Variants in IMMP2L observed in about 807,000 individuals in gnomAD.
IMMP2L encodes the protein inner mitochondrial membrane peptidase subunit 2.
IMMP2L carries 18 observed loss-of-function variants against 19.3 expected under a neutral mutation model. The ratio of observed to expected loss-of-function variants is 0.93; its 90% CI spans 0.64 to 1.38. The LOEUF is 1.38. IMMP2L is among the 40% of genes most tolerant of loss of function. IMMP2L has a pLI of 0.00. For synonymous variants in IMMP2L, 76 were observed against 73.0 expected (o/e 1.04, Z -0.21); for missense variants, 233 against 218.2 (o/e 1.07, Z -0.43).
chr7:111,059,601 G>T (rs1385051856), intron 3 of IMMP2L, among the ~76,000 whole-genome samples: 1 of 152,068 alleles, frequency 6.6e-6, no homozygotes, highest in East Asian at 1.9e-4. Context: ...TAAAATAGTG[G>T]CTAAAACATA....
chr7:110,791,856 C>T (rs1800478457), intron 5 of IMMP2L, among the ~76,000 whole-genome samples: 1 of 151,826 alleles, frequency 6.6e-6, no homozygotes, highest in Non-Finnish European at 1.5e-5. Context: ...TGAAACTCAA[C>T]TATCAGAGAA....
At chr7:110,856,700 T>G (rs1466784422) in intron 5 of IMMP2L, among the ~76,000 whole-genome samples, 2 of 152,100 alleles carry the variant, frequency 1.3e-5, no homozygotes, top group African/African-American at 4.8e-5. Flanking sequence ...AATAGTTATA[T>G]TTAATGAAAA....
At chr7:110,688,029 T>C (rs1331280692) in intron 5 of IMMP2L, among the ~76,000 whole-genome samples, 1 of 151,960 alleles carries the variant, frequency 6.6e-6, no homozygotes, top group African/African-American at 2.4e-5. Context: ...CAAGCCACAC[T>C]GACAGTCCCT....
chr7:110,830,316 C>G (rs1020871224), intron 5 of IMMP2L, among the ~76,000 whole-genome samples: 1 of 151,910 alleles, frequency 6.6e-6, no homozygotes, highest in Non-Finnish European at 1.5e-5. Context: ...TCTAGAAGCT[C>G]AGGTTCTCCA....
At chr7:111,554,380 G>C (rs1425659106) in intron 1 of IMMP2L, among the ~76,000 whole-genome samples, 1 of 151,942 alleles carries the variant, frequency 6.6e-6, no homozygotes, top group African/African-American at 2.4e-5. Context: ...AAGAAGAAAG[G>C]GAAGATGAGA....
intron 3 of IMMP2L, among the ~76,000 whole-genome samples, chr7:111,152,141 TGGA>T (rs1804148192): frequency 6.6e-6 from 1 of 152,166 alleles, no homozygotes; most frequent in African/African-American, 2.4e-5. Context: ...TTATTGAAGC[TGGA>T]AGATGCATAC....
chr7:110,892,649 G>A (rs1378552608), intron 4 of IMMP2L, among the ~76,000 whole-genome samples: 1 of 152,092 alleles, frequency 6.6e-6, no homozygotes, highest in Non-Finnish European at 1.5e-5. Flanking sequence ...TAATGAAATT[G>A]TAGAACACTG....
intron 3 of IMMP2L, among the ~76,000 whole-genome samples, chr7:111,016,117 C>A (rs776244853): frequency 4.0e-5 from 6 of 151,658 alleles, no homozygotes; most frequent in Non-Finnish European, 7.4e-5. Context: ...GTGTGCATTG[C>A]AAAAAACAAC....
intron 1 of IMMP2L, among the ~76,000 whole-genome samples, chr7:111,544,337 T>C (rs1341925610): frequency 6.6e-6 from 1 of 152,008 alleles, no homozygotes; most frequent in Non-Finnish European, 1.5e-5. Flanking sequence ...ATGGCACATG[T>C]ATACACATGT....
At chr7:111,542,608 A>C (rs1204207050) in intron 1 of IMMP2L, among the ~76,000 whole-genome samples, 1 of 152,102 alleles carries the variant, frequency 6.6e-6, no homozygotes, top group African/African-American at 2.4e-5. Context: ...ACTCCCAATA[A>C]AACACAGGGC....
intron 5 of IMMP2L, among the ~76,000 whole-genome samples, chr7:110,788,011 G>A (rs1392846678): frequency 6.6e-6 from 1 of 151,848 alleles, no homozygotes; most frequent in Non-Finnish European, 1.5e-5. Context: ...GCCTGCTCAA[G>A]GACTTTGCTC....
chr7:111,356,179 T>C lies in IMMP2L; in HGVS notation c.239+131059A>G, dbSNP rs186315736. 1.2e-3 allele frequency among the ~76,000 whole-genome samples: 186 copies of C among 152,178 alleles called. 1 individual carries two copies. Among genetic ancestry groups the C allele is most frequent in the African/African-American group, 4.2e-3 (176 of 41,556 alleles). On this transcript the variant is annotated intron_variant, in intron 3 of 5. Transcript: ENST00000405709. ...TAGATTAACAGACTCAGATTCCTTTTAGGCTAGTAAATTTGACTCATTCAA... is the reference window on the plus strand; with the variant it reads ...TAGATTAACAGACTCAGATTCCTTTCAGGCTAGTAAATTTGACTCATTCAA...
At chr7:110,683,896 T>C (rs573663424) in intron 5 of IMMP2L, among the ~76,000 whole-genome samples, 5 of 152,130 alleles carry the variant, frequency 3.3e-5, no homozygotes, top group Non-Finnish European at 7.4e-5. Context: ...TTGATTACAG[T>C]AGTTAATTCA....
At position 111,002,274 on chromosome 7, in the gene IMMP2L, C is replaced by T. The variant is rs547449319; in HGVS notation, c.240-38709G>A. Among the ~76,000 whole-genome samples the T allele has an allele frequency of 3.9e-5, 6 of 152,158 alleles. No homozygotes were observed. The South Asian group carries it at 1.2e-3, about 32-fold the overall frequency. On this transcript the variant is annotated intron_variant, in intron 3 of 5. Transcript: ENST00000405709. ...TCTCCAGCCCAGAGGGATAAGTAAG[C>T]CTGCCTATTACCCAGTCAAAGGTGT...
intron 3 of IMMP2L, among the ~76,000 whole-genome samples, chr7:111,056,120 ATC>A (rs1385393927): frequency 1.3e-5 from 2 of 152,248 alleles, no homozygotes; most frequent in African/African-American, 2.4e-5. Flanking sequence ...CAACTAATAT[ATC>A]TCTGAGTATA....
chr7:110,984,488 T>A (rs376208831), intron 3 of IMMP2L, among the ~76,000 whole-genome samples: 1 of 152,066 alleles, frequency 6.6e-6, no homozygotes, highest in African/African-American at 2.4e-5. Flanking sequence ...ATAATTTACG[T>A]TGCATAAGAG....
At chr7:111,190,018 T>A (rs1160220448) in intron 3 of IMMP2L, among the ~76,000 whole-genome samples, 2 of 152,122 alleles carry the variant, frequency 1.3e-5, no homozygotes, top group African/African-American at 2.4e-5. Flanking sequence ...GTATTATCAG[T>A]GGAAATTAAC....
At chr7:110,836,032 A>G (rs1804432804) in intron 5 of IMMP2L, among the ~76,000 whole-genome samples, 1 of 152,124 alleles carries the variant, frequency 6.6e-6, no homozygotes, top group Non-Finnish European at 1.5e-5. Context: ...TTAATGAATG[A>G]CAGATCCTGT....
chr7:110,690,917 T>G (rs570950462), intron 5 of IMMP2L, among the ~76,000 whole-genome samples: 2 of 152,186 alleles, frequency 1.3e-5, no homozygotes, highest in East Asian at 3.9e-4. Context: ...ACAGATTGAA[T>G]GCAATCCACA....
Sources: allele counts gnomAD v4.1 joint callset (sites outside exome capture counted in the v4.1 genomes callset), GRCh38; gene constraint gnomAD v4.1.1; transcripts MANE v1.5; gene names NCBI Gene and HGNC (gene_info 2026-07-23, HGNC 2026-07-21).